The following IRAG2 variants were observed in gnomAD, a reference collection of about 807,000 sequenced individuals.
The protein encoded by IRAG2 is lymphoid restricted membrane protein.
A neutral mutation model predicts 69.9 loss-of-function variants in IRAG2; 45 were observed. The ratio of observed to expected loss-of-function variants is 0.64; its 90% CI spans 0.51 to 0.83. The LOEUF is 0.83. Among genes scored for constraint, IRAG2 ranks in the 40% least tolerant of loss-of-function variants. IRAG2 has a pLI of 0.00. For missense variants in IRAG2, 520 were observed against 587.0 expected, an observed-to-expected ratio of 0.89 and a Z score of 1.18; for synonymous variants, 193 against 202.4, an observed-to-expected ratio of 0.95 and a Z score of 0.40.
rs747678983 is a variant in IRAG2, at chr12:25,079,708, G to C, written c.189G>C (p.Ser63=). Residue 63 remains serine, a synonymous_variant, in exon 9 of 22, where the codon TCG becomes TCC. Coordinates refer to ENST00000556887, the MANE Select transcript of IRAG2 (RefSeq NM_001366544.2). ...NMASCDLDRN[S]LCKKEEDTRS... ...CTTCTTGTGACCTTGACAGAAACTC[G>C]CTCTGTAAGAAAGAGGAGGATACAA... 6.2e-7 allele frequency: 1 copy of C among 1,613,958 alleles called. No homozygotes were observed. The highest frequency in any genetic ancestry group is 1.7e-5 in the Admixed American group (1 of 59,998).
chr12:25,077,266 A>AATATATATCAT lies in IRAG2; in HGVS notation c.25-1970_25-1969insCATATATATAT, dbSNP rs57883311. Among the ~76,000 whole-genome samples, 2 of 32,866 alleles carry AATATATATCAT rather than the reference A, an allele frequency of 6.1e-5. 1 individual carries two copies. The highest frequency in any genetic ancestry group is 3.4e-3 in the East Asian group (2 of 582). 21.6% of individuals were successfully genotyped at this position (32,866 alleles called of 152,430 possible). Reference sequence around the variant, plus strand: ...AAATATATATATGATATATATATGAAATATATATGAAATATATATGATATA... The same window carrying AATATATATCAT: ...AAATATATATATGATATATATATGAAATATATATCATATATATATGAAATATATATGATATA... On this transcript the variant is annotated intron_variant, in intron 6 of 21. Coordinates refer to ENST00000556887, the MANE Select transcript of IRAG2 (RefSeq NM_001366544.2).
intron 10 of IRAG2, chr12:25,030,946 G>A: frequency 1.7e-5 from 14 of 826,342 alleles, no homozygotes; most frequent in Non-Finnish European, 2.0e-5. Flanking sequence ...TTGATTGATT[G>A]ATTAGATAGA....
At chr12:25,039,206 A>T (rs1944727274) in intron 16 of IRAG2, among the ~76,000 whole-genome samples, 1 of 152,212 alleles carries the variant, frequency 6.6e-6, no homozygotes, top group Non-Finnish European at 1.5e-5. Flanking sequence ...GTAATTAGAG[A>T]CTGAGGTAAG....
chr12:25,045,669 T>A (rs571703658), intron 16 of IRAG2, among the ~76,000 whole-genome samples: 62 of 152,024 alleles, frequency 4.1e-4, no homozygotes, highest in African/African-American at 1.4e-3. Flanking sequence ...TATTTCTTTA[T>A]GAATCATGAA....
At chr12:25,052,129 G>T (rs1944889145), upstream of IRAG2, 15 of 394,346 alleles carry the variant, frequency 3.8e-5, no homozygotes, top group East Asian at 5.4e-4. Context: ...TAAGGAAGTG[G>T]TGTTAAGTTT....
chr12:25,082,843 C>CT (rs1245502426), intron 9 of IRAG2, among the ~76,000 whole-genome samples: 3 of 152,054 alleles, frequency 2.0e-5, no homozygotes, highest in African/African-American at 7.3e-5. Context: ...GGACAATGGA[C>CT]TGAGTAAACA....
At chr12:25,022,110 A>G (rs557251671) in intron 7 of IRAG2, among the ~76,000 whole-genome samples, 17 of 152,306 alleles carry the variant, frequency 1.1e-4, no homozygotes, top group Admixed American at 3.3e-4. Flanking sequence ...GATAAAATGG[A>G]GATAACAATA....
intron 1 of IRAG2, among the ~76,000 whole-genome samples, chr12:25,060,097 CTTGTTT>C (rs1213034971): frequency 6.6e-6 from 1 of 152,066 alleles, no homozygotes; most frequent in Non-Finnish European, 1.5e-5. Context: ...TCCTTATATC[CTTGTTT>C]AAGTTTTGCT....
chr12:25,088,289 C>CAATT, intron 11 of IRAG2, 132 bp downstream of exon 11: 2 of 709,464 alleles, frequency 2.8e-6, no homozygotes, highest in Non-Finnish European at 4.9e-6. Flanking sequence ...TCAATAGGAC[C>CAATT]GATTATTGAT....
rs766221299 is a variant in IRAG2 at position 25,096,802 on chromosome 12, G to A, written c.607-108G>A. The A allele has an allele frequency of 7.3e-5, 56 of 772,254 alleles. 2 individuals are homozygous for A. In the Middle Eastern group the frequency reaches 1.1e-3, roughly 15 times the overall value. The allele number at this position is 772,254 out of a possible 1,614,324, so 47.8% of individuals were successfully genotyped here. ...TTGCTGCTTCTTTTCATCTTCCACC[G>A]AAATAATTGAGATTAGAATGTCATC... is the stretch of plus-strand genomic sequence containing the variant. On this transcript the variant is annotated intron_variant, in intron 14 of 21. Transcript: ENST00000556887.
intron 16 of IRAG2, among the ~76,000 whole-genome samples, chr12:25,101,755 A>G (rs920835442): frequency 1.4e-4 from 21 of 152,242 alleles, no homozygotes; most frequent in Admixed American, 2.6e-4. Flanking sequence ...TGGAAAATAG[A>G]GAAACATATG....
chr12:25,038,840 A>G (rs1287306450), intron 16 of IRAG2, among the ~76,000 whole-genome samples: 2 of 152,226 alleles, frequency 1.3e-5, no homozygotes, highest in Non-Finnish European at 2.9e-5. Context: ...TGGAAGCTCT[A>G]GAACTTGAAG....
intron 9 of IRAG2, among the ~76,000 whole-genome samples, chr12:25,082,344 A>G (rs961109012): frequency 1.3e-5 from 2 of 152,178 alleles, no homozygotes; most frequent in African/African-American, 4.8e-5. Flanking sequence ...CATGCCTATA[A>G]TTCCAGCACT....
At chr12:25,105,931 A>G (rs1176791168) in intron 20 of IRAG2, among the ~76,000 whole-genome samples, 1 of 152,212 alleles carries the variant, frequency 6.6e-6, no homozygotes, top group Non-Finnish European at 1.5e-5. Flanking sequence ...TTCAAATCCA[A>G]CTAGGAACTC....
intron 9 of IRAG2, among the ~76,000 whole-genome samples, chr12:25,080,862 C>T (rs971742465): frequency 6.6e-6 from 1 of 152,044 alleles, no homozygotes; most frequent in African/African-American, 2.4e-5. Flanking sequence ...CAAAGAGGCA[C>T]AAATTTGATT....
Position 25,079,249 on chromosome 12 carries a change from T to C in IRAG2, c.30T>C (p.Asn10=). The change falls in exon 7 of 22, where the codon AAT becomes AAC. Residue 10 remains asparagine, a synonymous_variant. Coordinates refer to ENST00000556887, the MANE Select transcript of IRAG2 (RefSeq NM_001366544.2). ...CTCCTTTCTTTTTCCTTAAGGAGAA[T>C]GGTGTTGAACGCGTGTGTCCTGAGA... The part of the protein sequence containing the change: MNDDPSMEE[N]GVERVCPESL... The C allele has an allele frequency of 6.2e-7, 1 of 1,614,118 alleles. No individual in the cohort carries two copies.
chr12:25,102,116 T>G, intron 16 of IRAG2, 82 bp from the exon 17 acceptor site: 1 of 1,066,654 alleles, frequency 9.4e-7, no homozygotes, highest in Non-Finnish European at 1.4e-6. Flanking sequence ...AATTTTGCTT[T>G]ACCTTTAAAG....
At chr12:25,047,435 TTTG>T (rs966981532), upstream of IRAG2, among the ~76,000 whole-genome samples, 55 of 51,332 alleles carry the variant, frequency 1.1e-3, no homozygotes, top group African/African-American at 2.0e-3. Context: ...GGGTTAATTT[TTTG>T]TTGTTTTTTT....
chr12:25,101,826 C>G, intron 16 of IRAG2: 1 of 447,558 alleles, frequency 2.2e-6, no homozygotes, highest in South Asian at 1.8e-5. Context: ...TTAAAATAAA[C>G]AATATGAACT....
Sources: allele counts gnomAD v4.1 joint callset (sites outside exome capture counted in the v4.1 genomes callset), GRCh38; gene constraint gnomAD v4.1.1; transcripts MANE v1.5; gene names NCBI Gene and HGNC (gene_info 2026-07-23, HGNC 2026-07-21).